Variants in F13A1 observed in about 807,000 individuals in gnomAD.
F13A1 encodes coagulation factor XIII A chain, also known as FSF, A subunit.
Under a neutral mutation model 80.1 loss-of-function variants are expected in F13A1, and 47 were observed. The ratio of observed to expected loss-of-function variants is 0.59; its 90% CI spans 0.46 to 0.75. F13A1 has a LOEUF of 0.75. Ranked by LOEUF, F13A1 falls within the 30% of genes least tolerant of loss-of-function variation. The pLI is 0.00. For missense variants in F13A1, 817 were observed against 930.4 expected (o/e 0.88, Z 1.59); for synonymous variants, 349 against 344.9 (o/e 1.01, Z -0.13).
At chr6:6,253,546 G>T (rs891391117) in intron 4 of F13A1, among the ~76,000 whole-genome samples, 5 of 152,146 alleles carry the variant, frequency 3.3e-5, no homozygotes, top group African/African-American at 4.8e-5. Flanking sequence ...GGGAGAGACG[G>T]ATCCTCTCCA....
chr6:6,148,238 C>T (rs554405073), intron 14 of F13A1, among the ~76,000 whole-genome samples: 1 of 152,342 alleles, frequency 6.6e-6, no homozygotes, highest in Non-Finnish European at 1.5e-5. Context: ...CTCTGCACAT[C>T]TGAGACAGGC....
chr6:6,284,223 CT>C (rs2113147131), intron 3 of F13A1, among the ~76,000 whole-genome samples: 1 of 152,208 alleles, frequency 6.6e-6, no homozygotes, highest in African/African-American at 2.4e-5. Flanking sequence ...TAAAATTTGG[CT>C]AACACTCCAC....
chr6:6,201,432 C>T (rs1296000669), intron 8 of F13A1, among the ~76,000 whole-genome samples: 1 of 152,126 alleles, frequency 6.6e-6, no homozygotes, highest in East Asian at 1.9e-4. Flanking sequence ...TAGGGCTGGG[C>T]CTCCATCAAT....
chr6:6,266,626 T>A lies in F13A1; in HGVS notation c.503A>T (p.Tyr168Phe), dbSNP rs779361778. The A allele has an allele frequency of 6.2e-7, 1 of 1,614,210 alleles. No homozygotes were observed. Among genetic ancestry groups the A allele is most frequent in the Admixed American group, 1.7e-5 (1 of 60,028 alleles). The part of the protein sequence containing the change: ...FRMYVAVWTP[Y>F]GVLRTSRNPE... ...GTTTCGACTGGTTCGAAGTACGCCA[T>A]AGGGAGTCCAGACAGCAACATACAT... Residue 168 changes from tyrosine (Y) to phenylalanine (F), a missense_variant, in exon 4 of 15, where the codon TAT becomes TTT. Coordinates refer to ENST00000264870, the MANE Select transcript of F13A1 (RefSeq NM_000129.4).
chr6:6,318,455 A>G (rs1036161445), intron 2 of F13A1, 80 bp downstream of exon 2: 1 of 1,500,850 alleles, frequency 6.7e-7, no homozygotes, highest in African/African-American at 1.4e-5. Context: ...GAGACAGAGG[A>G]TGTTTACCTG....
intron 4 of F13A1, among the ~76,000 whole-genome samples, chr6:6,263,620 GT>G: frequency 6.6e-6 from 1 of 152,148 alleles, no homozygotes; most frequent in East Asian, 1.9e-4. Context: ...CTTTATTCAA[GT>G]GCTTACTTGA....
chr6:6,285,514 C>CA (rs1561679199), intron 3 of F13A1, among the ~76,000 whole-genome samples: 4 of 152,230 alleles, frequency 2.6e-5, no homozygotes, highest in African/African-American at 7.2e-5. Context: ...GCACATTTAG[C>CA]ACATCCAGCC....
intron 6 of F13A1, among the ~76,000 whole-genome samples, chr6:6,228,173 G>A (rs1742930): frequency 0.12 from 18,467 of 152,074 alleles, 1,231 homozygotes; most frequent in South Asian, 0.16. Context: ...CCAGGACTAC[G>A]TACAGGAGGC....
At chr6:6,176,712 G>A (rs183443347) in intron 11 of F13A1, among the ~76,000 whole-genome samples, 2 of 152,184 alleles carry the variant, frequency 1.3e-5, no homozygotes, top group Non-Finnish European at 2.9e-5. Flanking sequence ...AAATCATCTG[G>A]CCAATAGATC....
intron 4 of F13A1, among the ~76,000 whole-genome samples, chr6:6,266,126 T>C (rs904094403): frequency 1.3e-5 from 2 of 152,230 alleles, no homozygotes; most frequent in Non-Finnish European, 2.9e-5. Flanking sequence ...GAATTTTCTA[T>C]CTTTCTCTTT....
intron 8 of F13A1, among the ~76,000 whole-genome samples, chr6:6,204,114 A>T (rs1208503161): frequency 2.0e-5 from 3 of 152,212 alleles, no homozygotes; most frequent in African/African-American, 7.2e-5. Flanking sequence ...TCAGGGTGCT[A>T]TGTGTTTGAA....
chr6:6,221,545 T>C (rs979859245), intron 8 of F13A1, among the ~76,000 whole-genome samples: 1 of 152,182 alleles, frequency 6.6e-6, no homozygotes, highest in African/African-American at 2.4e-5. Context: ...TTTTTGGGCC[T>C]CAGTTTCCTC....
chr6:6,146,519 G>A (rs1007574345), intron 14 of F13A1, among the ~76,000 whole-genome samples: 1 of 152,182 alleles, frequency 6.6e-6, no homozygotes, highest in Non-Finnish European at 1.5e-5. Flanking sequence ...CATCAGTGCA[G>A]ACTGAGACTA....
At chr6:6,235,442 A>G (rs1757402281) in intron 6 of F13A1, among the ~76,000 whole-genome samples, 1 of 152,078 alleles carries the variant, frequency 6.6e-6, no homozygotes, top group African/African-American at 2.4e-5. Flanking sequence ...ACTCAATAGT[A>G]AGAAAACAAA....
chr6:6,228,993 T>C (rs1228877263), intron 6 of F13A1, among the ~76,000 whole-genome samples: 1 of 152,080 alleles, frequency 6.6e-6, no homozygotes, highest in Non-Finnish European at 1.5e-5. Flanking sequence ...ATACCAAAGA[T>C]TGTTCATCTT....
chr6:6,292,391 C>A (rs929221886), intron 3 of F13A1, among the ~76,000 whole-genome samples: 9 of 152,156 alleles, frequency 5.9e-5, no homozygotes, highest in African/African-American at 2.2e-4. Flanking sequence ...CTCCCCAACA[C>A]AAGTCCTGCA....
At chr6:6,273,552 A>G (rs1561675316) in intron 3 of F13A1, among the ~76,000 whole-genome samples, 1 of 152,224 alleles carries the variant, frequency 6.6e-6, no homozygotes, top group African/African-American at 2.4e-5. Flanking sequence ...GTTCATTCTT[A>G]TAAGAGGACT....
At position 6,206,332 on chromosome 6, in the gene F13A1, A is replaced by G. The variant is rs1489119797; in HGVS notation, c.1113-9006T>C. On this transcript the variant is annotated intron_variant, in intron 8 of 14. Coordinates refer to ENST00000264870, the MANE Select transcript of F13A1 (RefSeq NM_000129.4). Reference sequence around the variant, plus strand: ...GTTTCTAATTACTTTAAAACTAGTAACCTTCTAACGGTATATATGATGACT... The same window carrying G: ...GTTTCTAATTACTTTAAAACTAGTAGCCTTCTAACGGTATATATGATGACT... 8 of 370,384 alleles carry G rather than the reference A, an allele frequency of 2.2e-5. No individual in the cohort carries two copies. The East Asian group carries it at 5.1e-4, about 24-fold the overall frequency. 22.9% of individuals were successfully genotyped at this position (370,384 alleles called of 1,614,324 possible).
chr6:6,292,088 TA>T (rs1483841366), intron 3 of F13A1, among the ~76,000 whole-genome samples: 7 of 152,158 alleles, frequency 4.6e-5, no homozygotes, highest in African/African-American at 1.4e-4. Flanking sequence ...GTAAATTACT[TA>T]ATCCTTTCAA....
Sources: allele counts gnomAD v4.1 joint callset (sites outside exome capture counted in the v4.1 genomes callset), GRCh38; gene constraint gnomAD v4.1.1; transcripts MANE v1.5; gene names NCBI Gene and HGNC (gene_info 2026-07-23, HGNC 2026-07-21).